The following GALNT13 variants were observed in gnomAD, a reference collection of about 807,000 sequenced individuals.
The protein encoded by GALNT13 is UDP-GalNAc:polypeptide N-acetylgalactosaminyltransferase 13.
In GALNT13, 28 loss-of-function variants were observed where a neutral mutation model predicts 64.2. The ratio of observed to expected loss-of-function variants is 0.44; its 90% CI spans 0.32 to 0.60. The LOEUF (loss-of-function observed/expected upper bound fraction) is 0.60. Ranked by LOEUF, GALNT13 falls within the 20% of genes least tolerant of loss-of-function variation. The probability of loss-of-function intolerance (pLI) is 0.05; values close to 1 mark genes in which losing one functional copy is unlikely to be tolerated. For synonymous variants in GALNT13, 214 were observed against 224.6 expected, an observed-to-expected ratio of 0.95 and a Z score of 0.42; for missense variants, 577 against 669.8, an observed-to-expected ratio of 0.86 and a Z score of 1.53.
chr2:153,612,812 T>C, the GALNT13 span, among the ~76,000 whole-genome samples: 1 of 152,278 alleles, frequency 6.6e-6, no homozygotes, highest in Admixed American at 6.5e-5. Flanking sequence ...AATATGACAA[T>C]ATGATGACAT....
chr2:153,779,611 A>G, the GALNT13 span, among the ~76,000 whole-genome samples: 1 of 152,180 alleles, frequency 6.6e-6, no homozygotes, highest in Non-Finnish European at 1.5e-5. Flanking sequence ...AGGAATTTCA[A>G]TGTTAGTCCC....
chr2:154,293,321 T>A (rs1008513192), intron 8 of GALNT13, among the ~76,000 whole-genome samples: 2 of 152,202 alleles, frequency 1.3e-5, no homozygotes, highest in African/African-American at 4.8e-5. Context: ...AGACTATTAT[T>A]TTAGACTCCA....
In GALNT13 at chr2:154,153,946, C is replaced by T. The variant is rs545619732; in HGVS notation, c.311+13441C>T. Reference sequence around the variant, plus strand: ...AGGATGCGCTGCACCCACTGTCCTGCGTCCATTGTCTGGCACTCCCTAGTG... The same window carrying T: ...AGGATGCGCTGCACCCACTGTCCTGTGTCCATTGTCTGGCACTCCCTAGTG... On this transcript the variant is annotated intron_variant, in intron 4 of 12. Coordinates refer to ENST00000392825, the MANE Select transcript of GALNT13 (RefSeq NM_052917.4). Among the ~76,000 whole-genome samples the T allele has an allele frequency of 7.2e-5, 11 of 152,298 alleles. No homozygotes were observed. The East Asian group carries it at 1.2e-3, about 16-fold the overall frequency.
At chr2:154,076,476 A>T (rs967653671) in intron 3 of GALNT13, among the ~76,000 whole-genome samples, 2 of 151,712 alleles carry the variant, frequency 1.3e-5, no homozygotes, top group Non-Finnish European at 3.0e-5. Context: ...TAACTTACCC[A>T]TACTGAGAGA....
At chr2:154,145,019 G>A (rs1333072660) in intron 4 of GALNT13, among the ~76,000 whole-genome samples, 1 of 145,514 alleles carries the variant, frequency 6.9e-6, no homozygotes, top group Non-Finnish European at 1.5e-5. Context: ...CCTTCTTGAA[G>A]GCCCTTCATT....
chr2:153,520,979 C>A, the GALNT13 span, among the ~76,000 whole-genome samples: 1 of 152,078 alleles, frequency 6.6e-6, no homozygotes, highest in East Asian at 1.9e-4. Context: ...TATACATTCC[C>A]TATAGCTCCC....
intron 4 of GALNT13, among the ~76,000 whole-genome samples, chr2:154,222,765 A>C (rs1244275681): frequency 6.6e-6 from 1 of 152,112 alleles, no homozygotes; most frequent in Non-Finnish European, 1.5e-5. Flanking sequence ...CTCCTCAATC[A>C]GGGACGGGTT....
chr2:153,539,295 C>T, the GALNT13 span, among the ~76,000 whole-genome samples: 69 of 152,078 alleles, frequency 4.5e-4, no homozygotes, highest in South Asian at 0.014. Context: ...GACATTAGCC[C>T]TTTGTCAGAT....
the GALNT13 span, among the ~76,000 whole-genome samples, chr2:153,520,550 T>A: frequency 5.9e-4 from 90 of 152,336 alleles, no homozygotes; most frequent in Non-Finnish European, 9.4e-4. Flanking sequence ...ATTTCTTTAT[T>A]TTCTGGTCAG....
the GALNT13 span, among the ~76,000 whole-genome samples, chr2:153,208,351 T>C: frequency 2.0e-5 from 3 of 152,192 alleles, no homozygotes; most frequent in Non-Finnish European, 4.4e-5. Flanking sequence ...TTTGTACGTA[T>C]AGTTTTGTAT....
chr2:153,156,686 C>G, the GALNT13 span, among the ~76,000 whole-genome samples: 1 of 152,124 alleles, frequency 6.6e-6, no homozygotes, highest in Non-Finnish European at 1.5e-5. Flanking sequence ...CCTGCTCAAA[C>G]ATTTATTTAT....
chr2:153,441,387 C>G, the GALNT13 span, among the ~76,000 whole-genome samples: 1 of 152,166 alleles, frequency 6.6e-6, no homozygotes, highest in Non-Finnish European at 1.5e-5. Context: ...AGCCTGATGC[C>G]TCCAGCTTTG....
At chr2:154,319,833 A>G (rs1480062563) in intron 9 of GALNT13, among the ~76,000 whole-genome samples, 2 of 152,054 alleles carry the variant, frequency 1.3e-5, no homozygotes, top group Non-Finnish European at 2.9e-5. Flanking sequence ...ATTTTGATTT[A>G]TTTTGTTTGT....
At chr2:153,566,372 T>TTTTTTTTTTTTTTTTA in the GALNT13 span, among the ~76,000 whole-genome samples, 1 of 117,988 alleles carries the variant, frequency 8.5e-6, no homozygotes, top group Non-Finnish European at 1.9e-5. Context: ...TTTTTTTTTT[T>TTTTTTTTTTTTTTTTA]GAGACGGAGT....
At chr2:154,195,893 T>A (rs1381720385) in intron 4 of GALNT13, among the ~76,000 whole-genome samples, 1 of 152,038 alleles carries the variant, frequency 6.6e-6, no homozygotes, top group Non-Finnish European at 1.5e-5. Context: ...GAACCCTAAC[T>A]CCATTCTGCA....
chr2:153,440,659 G>T, the GALNT13 span, among the ~76,000 whole-genome samples: 5 of 152,096 alleles, frequency 3.3e-5, no homozygotes, highest in Non-Finnish European at 7.3e-5. Context: ...GGCATGAGAT[G>T]GTATCTCATT....
At chr2:153,264,558 C>T in the GALNT13 span, among the ~76,000 whole-genome samples, 4 of 152,102 alleles carry the variant, frequency 2.6e-5, no homozygotes, top group African/African-American at 7.2e-5. Flanking sequence ...CAATGATAGA[C>T]TGGATAAAAG....
the GALNT13 span, among the ~76,000 whole-genome samples, chr2:153,366,383 C>T: frequency 6.6e-6 from 1 of 151,922 alleles, no homozygotes; most frequent in South Asian, 2.1e-4. Context: ...TTTTGCACAT[C>T]TATCCCGGAA....
the GALNT13 span, among the ~76,000 whole-genome samples, chr2:153,387,731 G>C: frequency 1.2e-4 from 18 of 152,052 alleles, no homozygotes; most frequent in South Asian, 2.5e-3. Flanking sequence ...TGTGTTAAAG[G>C]CTTTAAATTT....
Sources: gnomAD v4.1 joint callset for allele counts (sites outside exome capture counted in the v4.1 genomes callset) on GRCh38, gnomAD v4.1.1 for gene constraint, MANE v1.5 for transcripts, NCBI Gene and HGNC (gene_info 2026-07-23, HGNC 2026-07-21) for gene names.